CUX1: variants seen among roughly 807,000 people sequenced by gnomAD.
CUX1 encodes the protein cut like homeobox 1.
CUX1 carries 31 observed loss-of-function variants against 158.8 expected under a neutral mutation model. The ratio of observed to expected loss-of-function variants is 0.20; its 90% CI spans 0.15 to 0.26. The LOEUF is 0.26. Ranked by LOEUF, CUX1 falls within the 10% of genes least tolerant of loss-of-function variation. CUX1 has a pLI of 1.00. For missense variants in CUX1, 1,589 were observed against 2,014.6 expected (o/e 0.79, Z 4.04); for synonymous variants, 879 against 862.1 (o/e 1.02, Z -0.34).
Position 102,170,493 on chromosome 7 carries a change from C to G in CUX1, c.771C>G (p.Leu257=), listed in dbSNP as rs370842930. Reference sequence around the variant, plus strand: ...AGGCGGAGACCTTAAGGGAACAGCTCTCATCGGCCAATCACTCCCTCCAGC... The same window carrying G: ...AGGCGGAGACCTTAAGGGAACAGCTGTCATCGGCCAATCACTCCCTCCAGC... ...QREAETLREQ[L]SSANHSLQLA... Residue 257 remains leucine, a synonymous_variant, in exon 10 of 24, where the codon CTC becomes CTG. Transcript: ENST00000292535. 12 of 1,594,132 alleles carry G rather than the reference C, an allele frequency of 7.5e-6. No homozygotes were observed. Among genetic ancestry groups the G allele is most frequent in the Middle Eastern group, 1.7e-4 (1 of 6,042 alleles).
chr7:102,064,528 G>T (rs1477813546), intron 3 of CUX1, among the ~76,000 whole-genome samples: 2 of 151,860 alleles, frequency 1.3e-5, no homozygotes, highest in Non-Finnish European at 2.9e-5. Flanking sequence ...CCAAGCCTTG[G>T]CTTGTACCTC....
rs1352858744 is a variant in CUX1, at chr7:102,021,634, T to G, written c.142-6464T>G. 5.2e-5 allele frequency among the ~76,000 whole-genome samples: 6 copies of G among 115,472 alleles called. No individual in the cohort carries two copies. The East Asian group carries it at 2.6e-3, about 50-fold the overall frequency. 75.8% of individuals were successfully genotyped at this position (115,472 alleles called of 152,430 possible). On this transcript the variant is annotated intron_variant, in intron 2 of 23. Coordinates refer to ENST00000292535, the MANE Select transcript of CUX1 (RefSeq NM_181552.4). ...TTTCTCTTTTTTTTTTTTTTTTTTTTTTGGATGGAGTTTCCTGGGTTGAAG... is the reference window on the plus strand; with the variant it reads ...TTTCTCTTTTTTTTTTTTTTTTTTTGTTGGATGGAGTTTCCTGGGTTGAAG...
chr7:102,277,167 G>A (rs1434760723), intron 17 of CUX1, among the ~76,000 whole-genome samples: 1 of 152,072 alleles, frequency 6.6e-6, no homozygotes, highest in East Asian at 1.9e-4. Context: ...GCATGGTGGT[G>A]TGAGCCTATA....
chr7:101,932,188 A>G (rs1316406447), intron 2 of CUX1, among the ~76,000 whole-genome samples: 3 of 152,224 alleles, frequency 2.0e-5, no homozygotes, highest in South Asian at 2.1e-4. Context: ...GCCTCCTAAC[A>G]TTGACAGTTT....
intron 10 of CUX1, among the ~76,000 whole-genome samples, chr7:102,172,378 T>G (rs1791825458): frequency 6.6e-6 from 1 of 151,440 alleles, no homozygotes; most frequent in Non-Finnish European, 1.5e-5. Flanking sequence ...CACTGCGGGA[T>G]CTCACTCGGT....
At chr7:102,143,284 T>TA (rs1834658848) in intron 8 of CUX1, among the ~76,000 whole-genome samples, 1 of 152,180 alleles carries the variant, frequency 6.6e-6, no homozygotes, top group South Asian at 2.1e-4. Flanking sequence ...TTTTCTTTTT[T>TA]ATGAGACAGA....
At chr7:101,817,499 CCCGAGT>C, upstream of CUX1, 1 of 1,129,024 alleles carries the variant, frequency 8.9e-7, no homozygotes, top group Non-Finnish European at 1.1e-6. The surrounding 1 kb of genome is among the most constrained non-coding windows in gnomAD (Gnocchi z 4.1). Context: ...CCGGCCCGCG[CCCGAGT>C]CGCCGCCGTG....
intron 3 of CUX1, 49 bp from the exon 4 acceptor site, chr7:102,070,290 C>A: frequency 6.6e-7 from 1 of 1,508,292 alleles, no homozygotes; most frequent in Non-Finnish European, 9.1e-7. Flanking sequence ...TACCTCTTGA[C>A]AAATGTTGAG....
intron 5 of CUX1, among the ~76,000 whole-genome samples, chr7:102,099,253 T>C (rs979068979): frequency 1.2e-4 from 19 of 152,172 alleles, no homozygotes; most frequent in Non-Finnish European, 2.9e-5. Flanking sequence ...TTTCTGGCTT[T>C]GCAGAGAGTG....
intron 1 of CUX1, among the ~76,000 whole-genome samples, chr7:101,832,412 C>T (rs544450907): frequency 4.6e-5 from 7 of 152,322 alleles, no homozygotes; most frequent in African/African-American, 1.7e-4. Context: ...GCACATCCAG[C>T]GAGCCCACTG....
intron 11 of CUX1, among the ~76,000 whole-genome samples, chr7:102,181,166 C>T (rs1454656467): frequency 6.6e-6 from 1 of 151,926 alleles, no homozygotes; most frequent in Non-Finnish European, 1.5e-5. Context: ...GTCTCAAATT[C>T]CCGATCTCAG....
intron 17 of CUX1, among the ~76,000 whole-genome samples, chr7:102,200,594 G>A (rs1795310745): frequency 6.6e-6 from 1 of 152,092 alleles, no homozygotes; most frequent in Non-Finnish European, 1.5e-5. Context: ...TCCCACCTCG[G>A]CCTCCCACGG....
chr7:101,900,767 G>T (rs1238110928), intron 1 of CUX1, among the ~76,000 whole-genome samples: 1 of 151,992 alleles, frequency 6.6e-6, no homozygotes, highest in African/African-American at 2.4e-5. Context: ...AAAAAAAAAA[G>T]CCAAACCTGA....
At chr7:102,180,382 T>A (rs1226408438) in intron 11 of CUX1, among the ~76,000 whole-genome samples, 1 of 145,546 alleles carries the variant, frequency 6.9e-6, no homozygotes, top group Non-Finnish European at 1.5e-5. Flanking sequence ...AGTGACAGGA[T>A]CATAGTTCAC....
At chr7:102,010,501 T>A (rs1223146329) in intron 2 of CUX1, among the ~76,000 whole-genome samples, 1 of 151,932 alleles carries the variant, frequency 6.6e-6, no homozygotes, top group Non-Finnish European at 1.5e-5. Flanking sequence ...TATCATGGAA[T>A]TCGTGATTGG....
chr7:102,257,999 A>G lies in CUX1; in HGVS notation c.*8957A>G, dbSNP rs1790090953. The stretch of plus-strand genomic sequence containing the variant: ...TTTATTTCTTGCTATTTGTTTTTCT[A>G]CATTAAGAGTCAAAGTTGACCTGGC... On this transcript the variant is annotated 3_prime_UTR_variant, in exon 24 of 24. Transcript: ENST00000292535. 1 of 971,532 alleles carries G rather than the reference A, an allele frequency of 1.0e-6. No individual in the cohort carries two copies. Among genetic ancestry groups the G allele is most frequent in the African/African-American group, 1.9e-5 (1 of 51,834 alleles). 60.2% of individuals were successfully genotyped at this position (971,532 alleles called of 1,614,324 possible).
intron 2 of CUX1, among the ~76,000 whole-genome samples, chr7:101,984,459 G>T (rs147607765): frequency 6.8e-6 from 1 of 146,970 alleles, no homozygotes; most frequent in Non-Finnish European, 1.5e-5. Flanking sequence ...TCCGTGCTTC[G>T]TAGATTTCAT....
chr7:101,983,480 A>T (rs1813749469), intron 2 of CUX1, among the ~76,000 whole-genome samples: 1 of 152,186 alleles, frequency 6.6e-6, no homozygotes, highest in Non-Finnish European at 1.5e-5. Flanking sequence ...TGCAGTGAAC[A>T]ATTATGTGTG....
chr7:102,113,889 C>T lies in CUX1; in HGVS notation c.608-1318C>T, dbSNP rs60604897. On this transcript the variant is annotated intron_variant, in intron 7 of 23. Transcript: ENST00000292535. ...GGCCTTTAAAAAAAATATAGCAATT[C>T]TGGCCTGACAAAGACTTGTCAAAAA... Among the ~76,000 whole-genome samples the T allele has an allele frequency of 4.9e-3, 753 of 152,252 alleles. 5 individuals are homozygous for T. Among genetic ancestry groups the T allele is most frequent in the African/African-American group, 0.017 (720 of 41,532 alleles).
Sources: allele counts gnomAD v4.1 joint callset (sites outside exome capture counted in the v4.1 genomes callset), GRCh38; gene constraint gnomAD v4.1.1; non-coding constraint Gnocchi (gnomAD v3.1); transcripts MANE v1.5; gene names NCBI Gene and HGNC (gene_info 2026-07-23, HGNC 2026-07-21).